The following ROBO1 variants were observed in gnomAD, a reference collection of about 807,000 sequenced individuals.
ROBO1 encodes roundabout homolog 1.
A neutral mutation model predicts 195.9 loss-of-function variants in ROBO1; 149 were observed. That is an observed-to-expected ratio of 0.76 (90% CI 0.67 to 0.87). The LOEUF (loss-of-function observed/expected upper bound fraction) is 0.87, where lower values mean the gene tolerates loss of function less well. ROBO1 is among the 40% of genes least tolerant of loss of function. The pLI, the probability that ROBO1 is intolerant of heterozygous loss-of-function variation, is 0.00. For missense variants in ROBO1, 1,933 were observed against 2,068.3 expected (o/e 0.93, Z 1.27); for synonymous variants, 816 against 733.2 (o/e 1.11, Z -1.82).
At chr3:79,061,602 T>C (rs2078918877) in intron 3 of ROBO1, among the ~76,000 whole-genome samples, 1 of 152,136 alleles carries the variant, frequency 6.6e-6, no homozygotes, top group South Asian at 2.1e-4. Context: ...CTTCAAACTA[T>C]ACTGCATGGC....
chr3:79,611,633 A>G (rs1337373300), intron 1 of ROBO1, among the ~76,000 whole-genome samples: 2 of 152,164 alleles, frequency 1.3e-5, no homozygotes, highest in Non-Finnish European at 2.9e-5. Context: ...AAACTAACAC[A>G]GGAACAGAAA....
Position 78,902,551 on chromosome 3 carries a change from T to A in ROBO1, c.499+36050A>T, listed in dbSNP as rs571479302. 2.8e-4 allele frequency among the ~76,000 whole-genome samples: 42 copies of A among 152,186 alleles called. 1 individual carries two copies. The highest frequency in any genetic ancestry group is 8.3e-4 in the South Asian group (4 of 4,828). ...TAAGAAGGCATATTAATAAAAAAAA[T>A]TTTATATAAAAAATAGGCTGGGTGC... On this transcript the variant is annotated intron_variant, in intron 4 of 30. Transcript: ENST00000464233.
chr3:78,841,342 G>T (rs2033184804), intron 4 of ROBO1, among the ~76,000 whole-genome samples: 1 of 152,084 alleles, frequency 6.6e-6, no homozygotes, highest in Non-Finnish European at 1.5e-5. Flanking sequence ...GCTTCTTACT[G>T]CTGGACCATT....
intron 3 of ROBO1, among the ~76,000 whole-genome samples, chr3:78,994,114 A>G (rs757646389): frequency 2.6e-5 from 4 of 152,168 alleles, no homozygotes; most frequent in Non-Finnish European, 4.4e-5. Flanking sequence ...TTTATTTCTC[A>G]TCTGCCTTTA....
At chr3:78,839,204 C>G (rs1185839872) in intron 4 of ROBO1, among the ~76,000 whole-genome samples, 1 of 151,862 alleles carries the variant, frequency 6.6e-6, no homozygotes, top group Non-Finnish European at 1.5e-5. Flanking sequence ...AAAGTTTGAT[C>G]GCTAGAATAT....
intron 4 of ROBO1, among the ~76,000 whole-genome samples, chr3:78,854,618 G>C (rs933309767): frequency 6.6e-6 from 1 of 151,254 alleles, no homozygotes; most frequent in Non-Finnish European, 1.5e-5. Context: ...TCTTGAAAAA[G>C]CATGTATTAG....
At chr3:79,041,191 A>T (rs947956085) in intron 3 of ROBO1, among the ~76,000 whole-genome samples, 7 of 152,048 alleles carry the variant, frequency 4.6e-5, no homozygotes, top group Non-Finnish European at 1.0e-4. Flanking sequence ...TTTTAGTATA[A>T]TCCCTTATAC....
At chr3:79,295,494 G>T (rs987497375) in intron 2 of ROBO1, among the ~76,000 whole-genome samples, 1 of 152,118 alleles carries the variant, frequency 6.6e-6, no homozygotes, top group Non-Finnish European at 1.5e-5. Context: ...AATACCTAAG[G>T]TAGGTGACGG....
chr3:78,649,445 C>A (rs1479109733), intron 19 of ROBO1, among the ~76,000 whole-genome samples: 1 of 152,066 alleles, frequency 6.6e-6, no homozygotes. Flanking sequence ...GGGTACCCAG[C>A]GAACTGGCAG....
chr3:78,682,394 T>G (rs1184857880), intron 10 of ROBO1, among the ~76,000 whole-genome samples: 3 of 150,626 alleles, frequency 2.0e-5, no homozygotes, highest in Non-Finnish European at 3.0e-5. Context: ...ATATATTACA[T>G]ATATCAAAAA....
chr3:79,153,548 G>A (rs974138321), intron 2 of ROBO1, among the ~76,000 whole-genome samples: 2 of 151,462 alleles, frequency 1.3e-5, no homozygotes, highest in African/African-American at 2.4e-5. Context: ...CAAGATTAGA[G>A]AAGGAATATT....
chr3:78,994,098 T>C (rs1250592732), intron 3 of ROBO1, among the ~76,000 whole-genome samples: 1 of 152,168 alleles, frequency 6.6e-6, no homozygotes, highest in African/African-American at 2.4e-5. Context: ...TATATAGATA[T>C]CAGACTTTAT....
At chr3:79,535,073 T>C (rs928926084) in intron 2 of ROBO1, among the ~76,000 whole-genome samples, 6 of 28,186 alleles carry the variant, frequency 2.1e-4, no homozygotes, top group African/African-American at 6.7e-4. Flanking sequence ...CCCAAATGCC[T>C]TATTTTTTTT....
At chr3:79,614,754 T>C (rs1944766987) in intron 1 of ROBO1, among the ~76,000 whole-genome samples, 1 of 152,126 alleles carries the variant, frequency 6.6e-6, no homozygotes, top group African/African-American at 2.4e-5. Flanking sequence ...CTCAATATCA[T>C]TATAGCATCA....
At chr3:79,370,124 G>A (rs186080321) in intron 2 of ROBO1, among the ~76,000 whole-genome samples, 27 of 152,146 alleles carry the variant, frequency 1.8e-4, no homozygotes, top group Admixed American at 1.7e-3. Flanking sequence ...GGAAGCTGAG[G>A]AGTGTCAATC....
intron 2 of ROBO1, among the ~76,000 whole-genome samples, chr3:79,441,088 T>A (rs1382206802): frequency 6.6e-6 from 1 of 152,174 alleles, no homozygotes; most frequent in East Asian, 1.9e-4. Context: ...TAAACTCTTG[T>A]TAATTATGAT....
At chr3:78,868,390 G>C (rs1204681771) in intron 4 of ROBO1, among the ~76,000 whole-genome samples, 1 of 147,686 alleles carries the variant, frequency 6.8e-6, no homozygotes, top group Non-Finnish European at 1.5e-5. Flanking sequence ...GAAAAAAAAA[G>C]ACTACCAAAA....
In ROBO1 at chr3:78,606,999, G is replaced by A. The variant is rs1703500924; in HGVS notation, c.4478C>T (p.Pro1493Leu). 6.2e-7 allele frequency: 1 copy of A among 1,613,582 alleles called. No individual in the cohort carries two copies. Among genetic ancestry groups the A allele is most frequent in the Non-Finnish European group, 8.5e-7 (1 of 1,179,812 alleles). ...PPVPPPAIKS[P>L]TAQSKTQLEV... ...CAGCTGTGTCTTGGATTGGGCAGTA[G>A]GTGACTTTATAGCAGGTGGCGGCAC... The change falls in exon 29 of 31, where the codon CCT (proline) becomes CTT (leucine). Residue 1493 changes from proline to leucine, a missense_variant. Physicochemically the swap from Pro to Leu is moderately conservative, Grantham distance 98. Transcript: ENST00000464233.
intron 2 of ROBO1, among the ~76,000 whole-genome samples, chr3:79,385,887 T>C (rs1026708750): frequency 4.6e-5 from 7 of 152,186 alleles, no homozygotes; most frequent in Admixed American, 3.3e-4. Flanking sequence ...TTTTATACTG[T>C]AGATTTACAA....
Sources: gnomAD v4.1 joint callset for allele counts (sites outside exome capture counted in the v4.1 genomes callset) on GRCh38, gnomAD v4.1.1 for gene constraint, MANE v1.5 for transcripts, NCBI Gene and HGNC (gene_info 2026-07-23, HGNC 2026-07-21) for gene names.